Variants in ANK3 observed in about 807,000 individuals in gnomAD.
ANK3 encodes ankyrin-3.
A neutral mutation model predicts 370.9 loss-of-function variants in ANK3; 57 were observed. That is an observed-to-expected ratio of 0.15 (90% CI 0.12 to 0.19). ANK3 has a LOEUF of 0.19. Among genes scored for constraint, ANK3 ranks in the 10% least tolerant of loss-of-function variants. The pLI is 1.00. For missense variants in ANK3, 4,439 were observed against 5,302.1 expected, an observed-to-expected ratio of 0.84 and a Z score of 5.06; for synonymous variants, 1,929 against 1,946.3, an observed-to-expected ratio of 0.99 and a Z score of 0.23.
upstream of ANK3, among the ~76,000 whole-genome samples, chr10:60,391,507 T>C (rs2063096668): frequency 6.7e-6 from 1 of 150,196 alleles, no homozygotes; most frequent in Non-Finnish European, 1.5e-5. Flanking sequence ...CGTATGCATT[T>C]TCCCAATATA....
rs542752519 is a variant in ANK3 at position 60,355,251 on chromosome 10, AC to A, written c.114+34173del. ...AGATTTACAAACCAACAAATGAAAAACAATGGTATTCTCCAAAAAGTTTAAT... is the reference window on the plus strand; with the variant it reads ...AGATTTACAAACCAACAAATGAAAAAAATGGTATTCTCCAAAAAGTTTAAT... On this transcript the variant is annotated intron_variant, in intron 1 of 43. Transcript: ENST00000280772. Among the ~76,000 whole-genome samples the A allele has an allele frequency of 6.9e-4, 105 of 152,354 alleles. 1 individual carries two copies. Among genetic ancestry groups the A allele is most frequent in the Non-Finnish European group, 1.2e-3 (80 of 68,034 alleles).
intron 21 of ANK3, among the ~76,000 whole-genome samples, chr10:60,167,647 T>C (rs2095657252): frequency 6.7e-6 from 1 of 150,114 alleles, no homozygotes; most frequent in Non-Finnish European, 1.5e-5. Context: ...GACCTTAGTT[T>C]AAAAGTGAGT....
chr10:60,586,705 C>A (rs1474335491), intron 2 of ANK3, among the ~76,000 whole-genome samples: 2 of 152,072 alleles, frequency 1.3e-5, no homozygotes, highest in Non-Finnish European at 2.9e-5. Context: ...TAGCCAGGGG[C>A]CACATTTAGT....
chr10:60,721,519 T>C (rs181325122), intron 1 of ANK3, among the ~76,000 whole-genome samples: 1 of 152,314 alleles, frequency 6.6e-6, no homozygotes, highest in Non-Finnish European at 1.5e-5. Context: ...TGGGTAATCA[T>C]AAAAGGTTTT....
chr10:60,533,214 G>A (rs2076648489), intron 2 of ANK3, among the ~76,000 whole-genome samples: 1 of 152,090 alleles, frequency 6.6e-6, no homozygotes, highest in Non-Finnish European at 1.5e-5. Flanking sequence ...CCCTGGTTGT[G>A]TAAATGAAGG....
intron 10 of ANK3, 87 bp from the exon 11 acceptor site, chr10:60,205,977 G>A: frequency 1.2e-6 from 1 of 844,570 alleles, no homozygotes; most frequent in Non-Finnish European, 2.0e-6. Context: ...TTGCTAAAAT[G>A]ATGTGTGGTA....
chr10:60,517,909 T>C (rs2076259895), intron 2 of ANK3, among the ~76,000 whole-genome samples: 1 of 152,028 alleles, frequency 6.6e-6, no homozygotes, highest in South Asian at 2.1e-4. Flanking sequence ...ACCACCCCAC[T>C]GGCTAGCTGT....
At position 60,090,317 on chromosome 10, in the gene ANK3, C is replaced by CA. The variant is rs879291998; in HGVS notation, c.3329-1960dup. On this transcript the variant is annotated intron_variant, in intron 28 of 43. Coordinates refer to ENST00000280772, the MANE Select transcript of ANK3 (RefSeq NM_020987.5). ...GGGCAACAGAGTGAGACTCCATTTCCAAAAAAAAAATTAAAATCTTACCAA... is the reference window on the plus strand; with the variant it reads ...GGGCAACAGAGTGAGACTCCATTTCCAAAAAAAAAAATTAAAATCTTACCAA... Among the ~76,000 whole-genome samples the CA allele has an allele frequency of 3.8e-3, 567 of 147,928 alleles. 4 individuals carry two copies. The highest frequency in any genetic ancestry group is 0.013 in the African/African-American group (506 of 40,364).
Position 60,548,102 on chromosome 10 carries a change from G to A in ANK3, c.96+67084C>T, listed in dbSNP as rs1019701461. On this transcript the variant is annotated intron_variant, in intron 2 of 43. Coordinates refer to the ANK3 transcript ENST00000373827. ...CAAAGTATTTGAAAACGTTCACAGA[G>A]AACTTTCATAATACCCAACAATAAA... 2.0e-5 allele frequency among the ~76,000 whole-genome samples: 3 copies of A among 149,614 alleles called. No homozygotes were observed. In the East Asian group the frequency reaches 5.9e-4, roughly 29 times the overall value.
Position 60,073,290 on chromosome 10 carries a change from A to G in ANK3, c.7591T>C (p.Ser2531Pro). The change falls in exon 37 of 44, where the codon TCT (serine) becomes CCT (proline). Residue 2531 changes from serine (S) to proline (P), a missense_variant. Around this residue, in one of 13 missense-constraint regions of ANK3, gnomAD observed 1,601 missense variants for 1,731.7 expected, o/e 0.92. Coordinates refer to ENST00000280772, the MANE Select transcript of ANK3 (RefSeq NM_020987.5). ...DVSENGVGKV[S>P]KDEHFDKVTV... ...ACTTTATCAAAATGCTCATCTTTAG[A>G]CACTTTACCTACACCATTTTCAGAA... 1 of 1,614,110 alleles carries G rather than the reference A, an allele frequency of 6.2e-7. No individual in the cohort carries two copies. The highest frequency in any genetic ancestry group is 8.5e-7 in the Non-Finnish European group (1 of 1,180,018).
chr10:60,582,488 C>G (rs921041901), intron 2 of ANK3, among the ~76,000 whole-genome samples: 63 of 151,816 alleles, frequency 4.1e-4, no homozygotes, highest in African/African-American at 1.5e-3. Context: ...GACAAATATT[C>G]ATTATTCCTG....
chr10:60,329,456 T>C (rs561802261), intron 1 of ANK3, among the ~76,000 whole-genome samples: 1 of 152,266 alleles, frequency 6.6e-6, no homozygotes, highest in South Asian at 2.1e-4. Context: ...AAAACCAATA[T>C]GCAGAAATCA....
intron 7 of ANK3, among the ~76,000 whole-genome samples, chr10:60,238,139 AG>A (rs2132548654): frequency 6.6e-6 from 1 of 152,340 alleles, no homozygotes; most frequent in East Asian, 1.9e-4. Context: ...GTGGTACCTC[AG>A]GGCCACTCAA....
chr10:60,300,439 A>T (rs2043446439), intron 1 of ANK3: 1 of 1,288,546 alleles, frequency 7.8e-7, no homozygotes, highest in Non-Finnish European at 1.0e-6. Context: ...CTGCCTTCGG[A>T]AATGTAAAGG....
chr10:60,454,881 T>C (rs2064706945), intron 2 of ANK3, among the ~76,000 whole-genome samples: 1 of 152,154 alleles, frequency 6.6e-6, no homozygotes, highest in South Asian at 2.1e-4. Context: ...CTCAAATAGT[T>C]TTTTATCACT....
intron 25 of ANK3, among the ~76,000 whole-genome samples, chr10:60,119,952 T>TA (rs916856940): frequency 1.5e-4 from 23 of 151,066 alleles, no homozygotes; most frequent in Middle Eastern, 3.5e-3. Context: ...CACAGAAATT[T>TA]AAAAAAAAAT....
At chr10:60,345,774 A>C (rs2055320046) in intron 1 of ANK3, among the ~76,000 whole-genome samples, 1 of 152,140 alleles carries the variant, frequency 6.6e-6, no homozygotes, top group African/African-American at 2.4e-5. Flanking sequence ...CTTAATAAAA[A>C]TACTCTTTAA....
In ANK3 at chr10:60,691,594, C is replaced by T. The variant is rs79881949; in HGVS notation, c.57+41669G>A. Among the ~76,000 whole-genome samples the T allele has an allele frequency of 2.8e-3, 419 of 152,216 alleles. 1 individual carries two copies. The highest frequency in any genetic ancestry group is 9.8e-3 in the African/African-American group (407 of 41,532). Reference sequence around the variant, plus strand: ...GACATTTTGCCCTACAGAGGGGAGCCCCTGCTGCTCACAAAAGGTAAGGTG... The same window carrying T: ...GACATTTTGCCCTACAGAGGGGAGCTCCTGCTGCTCACAAAAGGTAAGGTG... On this transcript the variant is annotated intron_variant, in intron 1 of 43. Transcript: ENST00000373827.
intron 1 of ANK3, among the ~76,000 whole-genome samples, chr10:60,716,264 G>A (rs1240158538): frequency 1.3e-5 from 2 of 151,918 alleles, no homozygotes; most frequent in East Asian, 3.9e-4. Flanking sequence ...AACTGCTTAG[G>A]GGGAAACAAA....
Sources: allele counts gnomAD v4.1 joint callset (sites outside exome capture counted in the v4.1 genomes callset), GRCh38; gene constraint gnomAD v4.1.1; regional missense constraint gnomAD v4.1.1; transcripts MANE v1.5; gene names NCBI Gene and HGNC (gene_info 2026-07-23, HGNC 2026-07-21).